Variants in NIN observed in about 807,000 individuals in gnomAD.
NIN encodes glycogen synthase kinase 3 beta-interacting protein.
In NIN, 137 loss-of-function variants were observed where a neutral mutation model predicts 257.6. The observed-to-expected ratio is 0.53, with a 90% CI of 0.46 to 0.61. NIN has a LOEUF of 0.61. Among genes scored for constraint, NIN ranks in the 20% least tolerant of loss-of-function variants. The probability of loss-of-function intolerance (pLI) is 0.00; values close to 1 mark genes in which losing one functional copy is unlikely to be tolerated. For missense variants in NIN, 2,439 were observed against 2,501.2 expected (o/e 0.98, Z 0.53); for synonymous variants, 918 against 919.8 (o/e 1.00, Z 0.04).
At chr14:50,816,024 T>A (rs2044876666) in intron 3 of NIN, among the ~76,000 whole-genome samples, 1 of 151,784 alleles carries the variant, frequency 6.6e-6, no homozygotes, top group African/African-American at 2.4e-5. Flanking sequence ...CAAAACAAAA[T>A]GAACAAAATC....
At chr14:50,765,843 GTT>G (rs34321797) in intron 14 of NIN, among the ~76,000 whole-genome samples, 2 of 147,004 alleles carry the variant, frequency 1.4e-5, no homozygotes, top group African/African-American at 5.0e-5. Context: ...TAACATTTAT[GTT>G]TTTTTTTTTT....
chr14:50,785,777 C>T (rs1023840934), intron 5 of NIN, among the ~76,000 whole-genome samples: 2 of 152,300 alleles, frequency 1.3e-5, no homozygotes, highest in South Asian at 4.1e-4. Flanking sequence ...AAGCTGAGTG[C>T]GCCCGGCAGG....
rs185485481 is a variant in NIN at position 50,821,656 on chromosome 14, G to C, written c.183+218C>G. 2.4e-3 allele frequency among the ~76,000 whole-genome samples: 369 copies of C among 152,268 alleles called. 1 individual carries two copies. The highest frequency in any genetic ancestry group is 4.5e-3 in the Non-Finnish European group (309 of 68,018). Reference sequence around the variant, plus strand: ...CTTTCATTGCCTCTTTATCTAAGATGCTCACTGTACACCATAATTCCAGAG... The same window carrying C: ...CTTTCATTGCCTCTTTATCTAAGATCCTCACTGTACACCATAATTCCAGAG... On this transcript the variant is annotated intron_variant, in intron 3 of 30. Coordinates refer to ENST00000530997, the MANE Select transcript of NIN (RefSeq NM_020921.4).
intron 29 of NIN, among the ~76,000 whole-genome samples, chr14:50,728,916 ATTTG>A (rs1034931396): frequency 6.6e-6 from 1 of 152,228 alleles, no homozygotes; most frequent in African/African-American, 2.4e-5. Context: ...TATACACTCT[ATTTG>A]TTGTGAAAAG....
Position 50,761,809 on chromosome 14 carries a change from C to G in NIN, c.1877G>C (p.Arg626Thr). The change falls in exon 16 of 31, where the codon AGA becomes ACA. Residue 626 changes from arginine (R) to threonine (T), a missense_variant. This residue lies in a region of NIN where 2,043 missense variants were observed against 2,050.2 expected (regional missense o/e 1.00). Coordinates refer to ENST00000530997, the MANE Select transcript of NIN (RefSeq NM_020921.4). ...ACTTACTTTATCTTCGAGCTCCAGT[C>G]TGAGGCAACATATGTCCCTGTGATG... ...EQHHRDICCL[R>T]LELEDKVRHY... is the part of the protein sequence containing the mutation. The G allele has an allele frequency of 6.2e-7, 1 of 1,614,180 alleles. No homozygotes were observed. The highest frequency in any genetic ancestry group is 2.2e-5 in the East Asian group (1 of 44,880).
Position 50,770,422 on chromosome 14 carries a change from T to C in NIN, c.1400A>G (p.Asn467Ser). The change falls in exon 12 of 31, where the codon AAC becomes AGC. Residue 467 changes from asparagine to serine, a missense_variant. By Grantham distance (46) the Asn-to-Ser change is conservative (BLOSUM62 1). Transcript: ENST00000530997. Reference sequence around the variant, plus strand: ...GAGGGCAAGGCGGTCCCGGATATAGTTCTCTTCTGTTTTTGCCTTTTCAAT... The same window carrying C: ...GAGGGCAAGGCGGTCCCGGATATAGCTCTCTTCTGTTTTTGCCTTTTCAAT... ...QEIEKAKTEE[N>S]YIRDRLALSL... 3 of 1,614,234 alleles carry C rather than the reference T, an allele frequency of 1.9e-6. No individual in the cohort carries two copies. The highest frequency in any genetic ancestry group is 2.5e-6 in the Non-Finnish European group (3 of 1,180,034).
chr14:50,779,554 C>T (rs1284924175), intron 5 of NIN, among the ~76,000 whole-genome samples: 2 of 151,964 alleles, frequency 1.3e-5, no homozygotes, highest in South Asian at 2.1e-4. Context: ...GTCAGGAGAT[C>T]GAGACCATCC....
rs753468096 is a variant in NIN, at chr14:50,757,810, G to C, written c.3220C>G (p.His1074Asp). Residue 1074 changes from histidine (H) to aspartate (D), a missense_variant, in exon 18 of 31, where the codon CAT becomes GAT. Transcript: ENST00000530997. ...ACATTTTCCTTCACTGCCTGTTCAT[G>C]AGCTCTCTGCAGGCTTAAGAGGACG... ...GDVLLSLQRA[H>D]EQAVKENVKM... 2 of 1,614,072 alleles carry C rather than the reference G, an allele frequency of 1.2e-6. No homozygotes were observed.
chr14:50,770,240 C>G (rs190718602), intron 12 of NIN, 148 bp downstream of exon 12: 2 of 716,446 alleles, frequency 2.8e-6, no homozygotes, highest in Admixed American at 2.9e-5. Context: ...TTAGCAGGGC[C>G]CTGCCAAGTC....
intron 2 of NIN, among the ~76,000 whole-genome samples, chr14:50,829,985 G>A (rs2045627349): frequency 6.6e-6 from 1 of 152,108 alleles, no homozygotes; most frequent in South Asian, 2.1e-4. Flanking sequence ...CCCTTCTCCT[G>A]GGCATTATAC....
At chr14:50,762,243 A>G (rs1051268215) in intron 15 of NIN, among the ~76,000 whole-genome samples, 2 of 152,144 alleles carry the variant, frequency 1.3e-5, no homozygotes, top group Admixed American at 6.5e-5. Context: ...AAATGCTGCA[A>G]ATTGAGGTAA....
intron 28 of NIN, 36 bp downstream of exon 28, chr14:50,735,479 AT>A (rs2040931069): frequency 6.2e-7 from 1 of 1,604,574 alleles, no homozygotes; most frequent in Admixed American, 1.7e-5. Flanking sequence ...GGATTAACAT[AT>A]TCTTCATAGC....
intron 22 of NIN, among the ~76,000 whole-genome samples, chr14:50,746,612 T>C (rs1349608066): frequency 1.3e-5 from 2 of 152,210 alleles, no homozygotes; most frequent in South Asian, 2.1e-4. Context: ...AGACAGATGT[T>C]AAGAATGAAA....
intron 3 of NIN, among the ~76,000 whole-genome samples, chr14:50,814,150 C>A (rs1035561679): frequency 6.6e-6 from 1 of 151,976 alleles, no homozygotes; most frequent in South Asian, 2.1e-4. Context: ...TAGAGAGAGG[C>A]AAAGGCTATT....
At position 50,727,874 on chromosome 14, in the gene NIN, G is replaced by C. The variant is rs146171166; in HGVS notation, c.6078+1649C>G. The C allele has an allele frequency of 4.4e-6, 3 of 683,376 alleles. No homozygotes were observed. In the African/African-American group the frequency reaches 5.5e-5, roughly 12 times the overall value. The allele number at this position is 683,376 out of a possible 1,614,324, so 42.3% of individuals were successfully genotyped here. A position where few individuals can be genotyped will look rare whatever the true frequency, so the allele number is the denominator to read the frequency against. ...AAAGCACACACATTAACACTACATAGGCAAGCAAAGCAACACAAAATGCAG... is the reference window on the plus strand; with the variant it reads ...AAAGCACACACATTAACACTACATACGCAAGCAAAGCAACACAAAATGCAG... On this transcript the variant is annotated intron_variant, in intron 29 of 30. Coordinates refer to ENST00000530997, the MANE Select transcript of NIN (RefSeq NM_020921.4).
intron 3 of NIN, among the ~76,000 whole-genome samples, chr14:50,814,074 ATAT>A (rs1170177294): frequency 6.6e-6 from 1 of 152,146 alleles, no homozygotes; most frequent in Non-Finnish European, 1.5e-5. Context: ...TGTTAACTTC[ATAT>A]TATTATATTT....
At chr14:50,815,052 A>G (rs2044820452) in intron 3 of NIN, among the ~76,000 whole-genome samples, 1 of 152,278 alleles carries the variant, frequency 6.6e-6, no homozygotes, top group African/African-American at 2.4e-5. Flanking sequence ...AGATCTAATT[A>G]AACTAAAGAG....
intron 4 of NIN, among the ~76,000 whole-genome samples, chr14:50,796,897 G>A (rs2043863997): frequency 6.6e-6 from 1 of 152,154 alleles, no homozygotes; most frequent in Non-Finnish European, 1.5e-5. Context: ...TGTGATACAG[G>A]TCACTGCTTA....
At position 50,754,636 on chromosome 14, in the gene NIN, A is replaced by G; in HGVS notation, c.4665-4T>C. The G allele has an allele frequency of 6.2e-7, 1 of 1,607,038 alleles. No individual in the cohort carries two copies. Among genetic ancestry groups the G allele is most frequent in the Non-Finnish European group, 8.5e-7 (1 of 1,177,288 alleles). ...TTTTACAGTTTCCGTTTTTTGCCTA[A>G]AAGGAATGATGAAAATAAAATTTAA... On this transcript the variant is annotated splice_polypyrimidine_tract_variant and splice_region_variant and intron_variant, in intron 19 of 30. Transcript: ENST00000530997.
Sources: allele counts gnomAD v4.1 joint callset (sites outside exome capture counted in the v4.1 genomes callset), GRCh38; gene constraint gnomAD v4.1.1; regional missense constraint gnomAD v4.1.1; transcripts MANE v1.5; gene names NCBI Gene and HGNC (gene_info 2026-07-23, HGNC 2026-07-21).